Variants in PIP5K1B observed in about 807,000 individuals in gnomAD.
PIP5K1B encodes phosphatidylinositol-4-phosphate 5-kinase type 1 beta.
A neutral mutation model predicts 67.0 loss-of-function variants in PIP5K1B; 42 were observed. That is an observed-to-expected ratio of 0.63 (90% confidence interval 0.49 to 0.81). The LOEUF is 0.81. Among genes scored for constraint, PIP5K1B ranks in the 30% least tolerant of loss-of-function variants. The probability of loss-of-function intolerance (pLI) is 0.00; values close to 1 mark genes in which losing one functional copy is unlikely to be tolerated. For missense variants in PIP5K1B, 459 were observed against 646.3 expected, an observed-to-expected ratio of 0.71 and a Z score of 3.14; for synonymous variants, 214 against 231.4, an observed-to-expected ratio of 0.92 and a Z score of 0.68.
At chr9:68,780,657 G>A (rs762685449) in intron 2 of PIP5K1B, 3 of 1,614,088 alleles carry the variant, frequency 1.9e-6, no homozygotes, top group Non-Finnish European at 2.5e-6. Flanking sequence ...GCAAAGTTTT[G>A]TAAGTAGCAA....
chr9:68,796,577 C>T (rs1832306134), intron 2 of PIP5K1B, among the ~76,000 whole-genome samples: 1 of 152,172 alleles, frequency 6.6e-6, no homozygotes, highest in South Asian at 2.1e-4. Context: ...GCATTTTCCT[C>T]ATTTGATCCA....
chr9:68,859,656 G>T (rs777591081), intron 4 of PIP5K1B, among the ~76,000 whole-genome samples: 1 of 152,186 alleles, frequency 6.6e-6, no homozygotes, highest in Non-Finnish European at 1.5e-5. Flanking sequence ...TCTGTTGGTG[G>T]TATCCTGGAG....
intron 5 of PIP5K1B, among the ~76,000 whole-genome samples, chr9:68,876,396 G>A (rs1399854619): frequency 6.6e-6 from 1 of 152,188 alleles, no homozygotes; most frequent in Non-Finnish European, 1.5e-5. Context: ...TGATAATGGA[G>A]TGATCTTCCC....
intron 14 of PIP5K1B, among the ~76,000 whole-genome samples, chr9:68,990,165 A>G (rs554919673): frequency 1.3e-5 from 2 of 152,220 alleles, no homozygotes; most frequent in African/African-American, 4.8e-5. Context: ...CACAGAGGAC[A>G]TAACACAGTG....
At chr9:68,968,715 A>ATATATATAT (rs779031015) in intron 14 of PIP5K1B, among the ~76,000 whole-genome samples, 2 of 142,212 alleles carry the variant, frequency 1.4e-5, no homozygotes, top group African/African-American at 5.2e-5. Flanking sequence ...ATATATATAT[A>ATATATATAT]TTTTTTTTTT....
rs143042134 is a variant in PIP5K1B, at chr9:68,951,064, T to C, written c.1502+10274T>C. On this transcript the variant is annotated intron_variant, in intron 14 of 15. Transcript: ENST00000265382. Reference sequence around the variant, plus strand: ...AATTAGGTAAGTGTAAGGAGGGAACTAGGAGACAATGTTAAACTCTCCATT... The same window carrying C: ...AATTAGGTAAGTGTAAGGAGGGAACCAGGAGACAATGTTAAACTCTCCATT... 5.2e-3 allele frequency among the ~76,000 whole-genome samples: 789 copies of C among 152,348 alleles called. 8 individuals are homozygous for C. The highest frequency in any genetic ancestry group is 0.018 in the African/African-American group (729 of 41,564).
At chr9:68,946,262 G>A (rs985251130) in intron 14 of PIP5K1B, among the ~76,000 whole-genome samples, 1 of 152,188 alleles carries the variant, frequency 6.6e-6, no homozygotes, top group Non-Finnish European at 1.5e-5. Flanking sequence ...TGTGTTACCT[G>A]CTGTGAACTT....
intron 3 of PIP5K1B, among the ~76,000 whole-genome samples, chr9:68,818,814 C>G (rs939710139): frequency 2.6e-5 from 4 of 151,752 alleles, no homozygotes; most frequent in African/African-American, 9.7e-5. Flanking sequence ...TAGTATTTTC[C>G]TTATTTTTAA....
chr9:68,905,171 T>C (rs916277922), intron 8 of PIP5K1B, among the ~76,000 whole-genome samples: 1 of 151,872 alleles, frequency 6.6e-6, no homozygotes, highest in Non-Finnish European at 1.5e-5. Flanking sequence ...CACAAAGTAT[T>C]TGGGGGAGGG....
intron 11 of PIP5K1B, among the ~76,000 whole-genome samples, chr9:68,921,569 G>T (rs1307508938): frequency 6.6e-6 from 1 of 152,010 alleles, no homozygotes; most frequent in Non-Finnish European, 1.5e-5. Context: ...TGCATCTAAG[G>T]GCCCCCCACC....
intron 4 of PIP5K1B, among the ~76,000 whole-genome samples, chr9:68,847,480 T>A (rs762187144): frequency 7.8e-6 from 1 of 128,522 alleles, no homozygotes; most frequent in Non-Finnish European, 1.7e-5. Context: ...GGGATAACAT[T>A]AGGCCAGAAG....
At chr9:68,832,979 T>C (rs974219468) in intron 4 of PIP5K1B, among the ~76,000 whole-genome samples, 17 of 152,258 alleles carry the variant, frequency 1.1e-4, no homozygotes, top group Admixed American at 2.6e-4. Flanking sequence ...GTGCCTAGAA[T>C]GTATGACATA....
chr9:68,785,748 G>A (rs1831574973), intron 2 of PIP5K1B, among the ~76,000 whole-genome samples: 1 of 152,146 alleles, frequency 6.6e-6, no homozygotes, highest in Admixed American at 6.5e-5. Flanking sequence ...ATAGACAGTG[G>A]AGCAGGGTGG....
Position 68,753,515 on chromosome 9 carries a change from C to CTTTTTTTT in PIP5K1B, c.-86+10878_-86+10885dup, listed in dbSNP as rs71500334. ...CCACCATGCCCGGCTAATTTTGTTT[C>CTTTTTTTT]TTTTTTTTTTTTTTTTTTTTTTTTT... On this transcript the variant is annotated intron_variant, in intron 2 of 15. Coordinates refer to ENST00000265382, the MANE Select transcript of PIP5K1B (RefSeq NM_003558.4). Among the ~76,000 whole-genome samples, 43 of 38,282 alleles carry CTTTTTTTT rather than the reference C, an allele frequency of 1.1e-3. 7 individuals are homozygous for CTTTTTTTT. The highest frequency in any genetic ancestry group is 2.0e-3 in the South Asian group (1 of 510). The allele number at this position is 38,282 out of a possible 152,430, so 25.1% of individuals were successfully genotyped here. A position where few individuals can be genotyped will look rare whatever the true frequency, so the allele number is the denominator to read the frequency against.
Position 68,705,599 on chromosome 9 carries a change from G to A in PIP5K1B, c.-406G>A, listed in dbSNP as rs1343455861. On this transcript the variant is annotated 5_prime_UTR_variant, in exon 1 of 16. Transcript: ENST00000265382. ...GCCCTCAGCGTTGCCCCCGGCCCCG[G>A]CCCCGCCCGCCGCCCCCTCCGCCCT... 7.8e-6 allele frequency: 1 copy of A among 128,688 alleles called. No homozygotes were observed. Among genetic ancestry groups the A allele is most frequent in the African/African-American group, 2.9e-5 (1 of 34,092 alleles). 8.0% of individuals were successfully genotyped at this position (128,688 alleles called of 1,614,324 possible).
chr9:68,749,820 C>A (rs1203038088), intron 2 of PIP5K1B, among the ~76,000 whole-genome samples: 3 of 152,136 alleles, frequency 2.0e-5, no homozygotes, highest in Non-Finnish European at 4.4e-5. Flanking sequence ...CCCCTAGTTA[C>A]AACAACCACA....
chr9:68,884,523 G>A (rs769268899), intron 6 of PIP5K1B, among the ~76,000 whole-genome samples: 1 of 151,946 alleles, frequency 6.6e-6, no homozygotes, highest in Non-Finnish European at 1.5e-5. Context: ...AATTATTCGG[G>A]CATGGTGGCA....
At chr9:68,914,345 G>A (rs1825989269) in intron 8 of PIP5K1B, among the ~76,000 whole-genome samples, 1 of 152,094 alleles carries the variant, frequency 6.6e-6, no homozygotes, top group Non-Finnish European at 1.5e-5. Context: ...GTCTTCTTAG[G>A]ACCTGCTTTT....
chr9:68,747,292 C>T (rs1829364057), intron 2 of PIP5K1B, among the ~76,000 whole-genome samples: 1 of 149,458 alleles, frequency 6.7e-6, no homozygotes, highest in Non-Finnish European at 1.5e-5. Context: ...ATTATCAAAT[C>T]GAAACTGCAG....
Sources: gnomAD v4.1 joint callset for allele counts (sites outside exome capture counted in the v4.1 genomes callset) on GRCh38, gnomAD v4.1.1 for gene constraint, MANE v1.5 for transcripts, NCBI Gene and HGNC (gene_info 2026-07-23, HGNC 2026-07-21) for gene names.